Variants in UBAC2 observed in about 807,000 individuals in gnomAD.
UBAC2 encodes UBA domain containing 2, also known as ubiquitin-associated domain-containing protein 2.
UBAC2 carries 26 observed loss-of-function variants against 44.0 expected under a neutral mutation model. That is an observed-to-expected ratio of 0.59 (90% CI 0.43 to 0.82). The LOEUF (loss-of-function observed/expected upper bound fraction) is 0.82, where lower values mean the gene tolerates loss of function less well. UBAC2 is among the 40% of genes least tolerant of loss of function. The pLI is 0.00. For synonymous variants in UBAC2, 155 were observed against 154.3 expected, an observed-to-expected ratio of 1.00 and a Z score of -0.04; for missense variants, 329 against 419.4, an observed-to-expected ratio of 0.78 and a Z score of 1.88.
intron 8 of UBAC2, among the ~76,000 whole-genome samples, chr13:99,376,001 A>G (rs1303554565): frequency 2.7e-5 from 4 of 148,446 alleles, no homozygotes; most frequent in African/African-American, 9.9e-5. Context: ...GGTAGAGACA[A>G]GGGTTGCCCA....
At chr13:99,318,476 C>G (rs561703129) in intron 6 of UBAC2, among the ~76,000 whole-genome samples, 1 of 150,856 alleles carries the variant, frequency 6.6e-6, no homozygotes, top group East Asian at 2.0e-4. Context: ...TCTCAACATT[C>G]TTTTAACCCA....
intron 4 of UBAC2, among the ~76,000 whole-genome samples, chr13:99,309,410 CT>C (rs974546358): frequency 2.0e-5 from 3 of 151,710 alleles, no homozygotes; most frequent in Non-Finnish European, 2.9e-5. Flanking sequence ...TGCCCAGCCC[CT>C]TTTTTTTGAT....
intron 7 of UBAC2, among the ~76,000 whole-genome samples, chr13:99,359,021 G>C (rs554053964): frequency 6.6e-6 from 1 of 152,190 alleles, no homozygotes; most frequent in Non-Finnish European, 1.5e-5. Context: ...ACGGAAGAAG[G>C]AGAGAAACAC....
chr13:99,244,369 A>ATATATATACACACATATGCATGTGTG, intron 3 of UBAC2, 146 bp from the exon 4 acceptor site: 1 of 428,320 alleles, frequency 2.3e-6, no homozygotes, highest in Non-Finnish European at 4.1e-6. Flanking sequence ...ATAATTTCAA[A>ATATATATACACACATATGCATGTGTG]TATATATACA....
Position 99,276,309 on chromosome 13 carries a change from TCA to T in UBAC2, c.389+31689_389+31690del, listed in dbSNP as rs2043881478. ...AGACTGTCTCCACTTCAGATGCCAGTCACACGTTTCAGGACATCTGTTCTTCT... is the reference window on the plus strand; with the variant it reads ...AGACTGTCTCCACTTCAGATGCCAGTCACGTTTCAGGACATCTGTTCTTCT... On this transcript the variant is annotated intron_variant, in intron 4 of 8. Transcript: ENST00000403766. Among the ~76,000 whole-genome samples the T allele has an allele frequency of 2.6e-5, 4 of 152,310 alleles. No individual in the cohort carries two copies. In the South Asian group the frequency reaches 6.2e-4, roughly 24 times the overall value.
chr13:99,325,644 C>T (rs531942069), intron 6 of UBAC2, among the ~76,000 whole-genome samples: 2 of 152,236 alleles, frequency 1.3e-5, no homozygotes, highest in East Asian at 1.9e-4. Context: ...TGGAGCTTAT[C>T]GCTCTTGCTT....
At chr13:99,290,532 C>T (rs953469195) in intron 4 of UBAC2, among the ~76,000 whole-genome samples, 1 of 151,898 alleles carries the variant, frequency 6.6e-6, no homozygotes, top group Admixed American at 6.5e-5. Context: ...TTGAGACCAG[C>T]CTGGTCAACA....
chr13:99,379,477 C>T (rs765375206), intron 8 of UBAC2, among the ~76,000 whole-genome samples: 1 of 152,236 alleles, frequency 6.6e-6, no homozygotes, highest in African/African-American at 2.4e-5. Context: ...CTGCAGCCAA[C>T]ATGTTGAATA....
intron 7 of UBAC2, among the ~76,000 whole-genome samples, chr13:99,353,685 A>G (rs1226020538): frequency 6.6e-6 from 1 of 152,142 alleles, no homozygotes. Context: ...CCAGGGGTAT[A>G]TTAGAAAAAT....
chr13:99,201,562 C>A, intron 1 of UBAC2: 2 of 1,613,906 alleles, frequency 1.2e-6, no homozygotes, highest in South Asian at 2.2e-5. Context: ...TAGCGGTGGT[C>A]AGCAGGTAGG....
At chr13:99,352,226 C>G (rs1237751262) in intron 7 of UBAC2, among the ~76,000 whole-genome samples, 1 of 152,102 alleles carries the variant, frequency 6.6e-6, no homozygotes, top group Non-Finnish European at 1.5e-5. Flanking sequence ...ATAACTCACC[C>G]CCTCGAAGTG....
At chr13:99,350,145 G>A in intron 7 of UBAC2, among the ~76,000 whole-genome samples, 1 of 152,156 alleles carries the variant, frequency 6.6e-6, no homozygotes. Context: ...GATTCATGAT[G>A]TTTATAATGA....
At chr13:99,378,931 A>G (rs989462895) in intron 8 of UBAC2, among the ~76,000 whole-genome samples, 5 of 152,256 alleles carry the variant, frequency 3.3e-5, no homozygotes, top group African/African-American at 1.2e-4. Context: ...GGAAAAGTAC[A>G]TGGCATAAAC....
intron 2 of UBAC2, among the ~76,000 whole-genome samples, chr13:99,240,802 A>C (rs1235783638): frequency 6.6e-6 from 1 of 152,174 alleles, no homozygotes; most frequent in Non-Finnish European, 1.5e-5. Flanking sequence ...TGGCCAGTAC[A>C]GTCATGACAA....
chr13:99,326,974 C>T (rs145308079), intron 6 of UBAC2, among the ~76,000 whole-genome samples: 2 of 152,184 alleles, frequency 1.3e-5, no homozygotes, highest in Non-Finnish European at 2.9e-5. Flanking sequence ...TTGCAGCCTT[C>T]TGTGTGCTGA....
intron 7 of UBAC2, among the ~76,000 whole-genome samples, chr13:99,343,598 G>T (rs114439792): frequency 0.011 from 1,717 of 152,316 alleles, 39 homozygotes; most frequent in African/African-American, 0.039. Flanking sequence ...CCAGCCCCTG[G>T]GCTCTTGCTG....
chr13:99,277,755 T>A (rs1320420854), intron 4 of UBAC2, among the ~76,000 whole-genome samples: 4 of 152,198 alleles, frequency 2.6e-5, no homozygotes, highest in African/African-American at 9.7e-5. Context: ...TCTCACTTTC[T>A]GGGCCTACTT....
chr13:99,241,136 C>T (rs2043294133), intron 2 of UBAC2, among the ~76,000 whole-genome samples: 1 of 151,750 alleles, frequency 6.6e-6, no homozygotes, highest in African/African-American at 2.4e-5. Context: ...TGGTGGTGCA[C>T]ACCTGTAGTC....
chr13:99,261,532 G>A (rs1034804967), intron 4 of UBAC2: 3 of 152,120 alleles, frequency 2.0e-5, no homozygotes, highest in African/African-American at 7.2e-5. Context: ...AAATTGTATT[G>A]TAAATTTAAT....
Sources: gnomAD v4.1 joint callset for allele counts (sites outside exome capture counted in the v4.1 genomes callset) on GRCh38, gnomAD v4.1.1 for gene constraint, MANE v1.5 for transcripts, NCBI Gene and HGNC (gene_info 2026-07-23, HGNC 2026-07-21) for gene names.